The following CUX1 variants were observed in gnomAD, a reference collection of about 807,000 sequenced individuals.
The protein encoded by CUX1 is cut like homeobox 1, also known as protein CASP.
In CUX1, 31 loss-of-function variants were observed where a neutral mutation model predicts 158.8. The ratio of observed to expected loss-of-function variants is 0.20; its 90% CI spans 0.15 to 0.26. The LOEUF (loss-of-function observed/expected upper bound fraction) is 0.26. Ranked by LOEUF, CUX1 falls within the 10% of genes least tolerant of loss-of-function variation. The pLI, the probability that CUX1 is intolerant of heterozygous loss-of-function variation, is 1.00. For synonymous variants in CUX1, 879 were observed against 862.1 expected (o/e 1.02, Z -0.34); for missense variants, 1,589 against 2,014.6 (o/e 0.79, Z 4.04).
chr7:101,852,930 G>C (rs1001362412), intron 1 of CUX1, among the ~76,000 whole-genome samples: 1 of 151,902 alleles, frequency 6.6e-6, no homozygotes, highest in African/African-American at 2.4e-5. Context: ...CACCTGCCTC[G>C]TCCTCCCAAA....
chr7:102,149,369 T>G (rs1333173195), intron 8 of CUX1, among the ~76,000 whole-genome samples: 1 of 152,086 alleles, frequency 6.6e-6, no homozygotes, highest in East Asian at 1.9e-4. Flanking sequence ...TCCTTCCGCC[T>G]CCCACTGGGT....
At position 102,257,067 on chromosome 7, in the gene CUX1, AC is replaced by A; in HGVS notation, c.*8028del. On this transcript the variant is annotated 3_prime_UTR_variant, in exon 24 of 24. Coordinates refer to ENST00000292535, the MANE Select transcript of CUX1 (RefSeq NM_181552.4). ...TGGCCCCAAGCTCAGCCAGCAGGAC[AC>A]CCAGTTGTTGCCAATCAGGTGTGAA... 1 of 985,346 alleles carries A rather than the reference AC, an allele frequency of 1.0e-6. No homozygotes were observed. Among genetic ancestry groups the A allele is most frequent in the Non-Finnish European group, 1.2e-6 (1 of 829,952 alleles). The allele number at this position is 985,346 out of a possible 1,614,324, so 61.0% of individuals were successfully genotyped here. A position where few individuals can be genotyped will look rare whatever the true frequency, so the allele number is the denominator to read the frequency against.
chr7:102,070,524 T>C, intron 4 of CUX1, 107 bp downstream of exon 4: 1 of 777,002 alleles, frequency 1.3e-6, no homozygotes. Context: ...AAATACACCA[T>C]CAGTGGCAAC....
intron 3 of CUX1, among the ~76,000 whole-genome samples, chr7:102,043,971 T>C (rs1270804106): frequency 2.6e-5 from 4 of 152,114 alleles, no homozygotes; most frequent in African/African-American, 9.7e-5. Flanking sequence ...TTCATATACC[T>C]GTCAGCCGTT....
intron 7 of CUX1, among the ~76,000 whole-genome samples, chr7:102,113,714 C>T (rs1554490992): frequency 6.6e-6 from 1 of 152,076 alleles, no homozygotes; most frequent in Non-Finnish European, 1.5e-5. Flanking sequence ...AACACCACCA[C>T]ACATGGCTAC....
At position 102,196,657 on chromosome 7, in the gene CUX1, G is replaced by A. The variant is rs1192673972; in HGVS notation, c.1246G>A (p.Asp416Asn). 1.3e-6 allele frequency: 2 copies of A among 1,579,062 alleles called. No individual in the cohort carries two copies. The highest frequency in any genetic ancestry group is 1.4e-5 in the African/African-American group (1 of 73,762). Residue 416 changes from aspartate (D) to asparagine (N), a missense_variant, in exon 15 of 24, where the codon GAC (aspartate) becomes AAC (asparagine). Physicochemically the swap from Asp to Asn is conservative, Grantham distance 23. Transcript: ENST00000292535. The part of the protein sequence containing the change: ...LSGSARRKGK[D>N]QPESRRPGSL... ...AGGGTCAGCCAGGAGGAAAGGGAAAGACCAGCCTGAAAGTCGGCGCCCGGG... is the reference window on the plus strand; with the variant it reads ...AGGGTCAGCCAGGAGGAAAGGGAAAAACCAGCCTGAAAGTCGGCGCCCGGG...
intron 2 of CUX1, among the ~76,000 whole-genome samples, chr7:101,928,336 G>A (rs1805862808): frequency 1.3e-5 from 2 of 151,012 alleles, no homozygotes; most frequent in South Asian, 4.2e-4. Context: ...ACTCTTTTGA[G>A]AAATTGTGTT....
At chr7:102,222,047 C>T (rs2132288300) in intron 20 of CUX1, among the ~76,000 whole-genome samples, 1 of 151,978 alleles carries the variant, frequency 6.6e-6, no homozygotes, top group African/African-American at 2.4e-5. Flanking sequence ...TCGCTGGAGC[C>T]CAGGAGTTCG....
intron 8 of CUX1, among the ~76,000 whole-genome samples, chr7:102,140,851 C>T (rs1193510307): frequency 1.1e-4 from 16 of 148,652 alleles, no homozygotes; most frequent in African/African-American, 4.0e-4. Context: ...GGGGATGGAG[C>T]GAGACTTCGT....
intron 2 of CUX1, among the ~76,000 whole-genome samples, chr7:101,976,726 T>C (rs1419030928): frequency 1.3e-5 from 2 of 152,140 alleles, no homozygotes; most frequent in East Asian, 3.8e-4. Flanking sequence ...GTGGATCCAG[T>C]GCGTCTCATT....
chr7:102,053,320 A>ACG (rs1366957315), intron 3 of CUX1, among the ~76,000 whole-genome samples: 3 of 151,890 alleles, frequency 2.0e-5, no homozygotes, highest in East Asian at 1.9e-4. Flanking sequence ...TTTTGTGGGG[A>ACG]TGTATATATA....
chr7:102,086,280 G>C (rs1554480475), intron 4 of CUX1, among the ~76,000 whole-genome samples: 1 of 138,432 alleles, frequency 7.2e-6, no homozygotes, highest in Non-Finnish European at 1.6e-5. Context: ...CAGTTTTGTT[G>C]CTTTCTGTTC....
intron 8 of CUX1, among the ~76,000 whole-genome samples, chr7:102,144,074 G>T (rs182708663): frequency 6.6e-6 from 1 of 152,166 alleles, no homozygotes; most frequent in Non-Finnish European, 1.5e-5. Flanking sequence ...GAGCCACTGC[G>T]CCCAGCCAGG....
intron 12 of CUX1, among the ~76,000 whole-genome samples, chr7:102,190,689 G>A (rs542893626): frequency 9.9e-5 from 15 of 152,252 alleles, no homozygotes; most frequent in South Asian, 2.1e-4. Context: ...TGCTTCTCGC[G>A]GCTGGAGCTC....
At chr7:101,851,909 A>G (rs1584762139) in intron 1 of CUX1, among the ~76,000 whole-genome samples, 1 of 150,278 alleles carries the variant, frequency 6.7e-6, no homozygotes, top group South Asian at 2.1e-4. Flanking sequence ...GCTCTCTGCA[A>G]CCTCCACTGC....
chr7:101,959,051 G>T (rs146962889), intron 2 of CUX1, among the ~76,000 whole-genome samples: 1 of 151,378 alleles, frequency 6.6e-6, no homozygotes, highest in Non-Finnish European at 1.5e-5. Context: ...ATAGAGACAC[G>T]GTCTGGCAGT....
In CUX1 at chr7:102,239,483, G is replaced by C. The variant is rs140169027; in HGVS notation, c.3786G>C (p.Ala1262=). The C allele has an allele frequency of 1.3e-5, 21 of 1,614,014 alleles. No individual in the cohort carries two copies. Among genetic ancestry groups the C allele is most frequent in the Admixed American group, 5.0e-5 (3 of 60,010 alleles). The change falls in exon 23 of 24, where the codon GCG becomes GCC. Residue 1262 remains alanine (A), a synonymous_variant. Transcript: ENST00000292535. ...APEEKEALKR[A]YQQKPYPSPK... ...AGGAGAAGGAGGCGCTGAAACGAGC[G>C]TATCAGCAAAAGCCATACCCGTCAC...
At chr7:102,180,213 G>A (rs1792877675) in intron 11 of CUX1, among the ~76,000 whole-genome samples, 2 of 152,026 alleles carry the variant, frequency 1.3e-5, no homozygotes, top group African/African-American at 4.8e-5. Context: ...AGTAGAGGCG[G>A]GGTTTCACCA....
At chr7:102,110,231 C>G (rs1830740514) in intron 6 of CUX1, among the ~76,000 whole-genome samples, 1 of 152,124 alleles carries the variant, frequency 6.6e-6, no homozygotes, top group Non-Finnish European at 1.5e-5. Flanking sequence ...TTAGTTCGTA[C>G]TATGCTATAG....
Sources: allele counts gnomAD v4.1 joint callset (sites outside exome capture counted in the v4.1 genomes callset), GRCh38; gene constraint gnomAD v4.1.1; transcripts MANE v1.5; gene names NCBI Gene and HGNC (gene_info 2026-07-23, HGNC 2026-07-21).